ENOX2: variants seen among roughly 807,000 people sequenced by gnomAD.
The protein encoded by ENOX2 is APK1 antigen.
In ENOX2, 36 loss-of-function variants were observed where a neutral mutation model predicts 45.0. The observed-to-expected ratio is 0.80, with a 90% CI of 0.61 to 1.06. The LOEUF (loss-of-function observed/expected upper bound fraction) is 1.06. ENOX2 is among the 50% of genes least tolerant of loss of function. The pLI is 0.00. For synonymous variants in ENOX2, 174 were observed against 152.3 expected (o/e 1.14, Z -1.05); for missense variants, 423 against 462.5 (o/e 0.91, Z 0.78).
intron 12 of ENOX2, among the ~76,000 whole-genome samples, chrX:130,633,582 A>G (rs1408942535): frequency 2.7e-5 from 3 of 112,977 alleles, no homozygotes; most frequent in Non-Finnish European, 5.6e-5. Flanking sequence ...CTTAGGCACA[A>G]TATGGCAAGT....
intron 4 of ENOX2, among the ~76,000 whole-genome samples, chrX:130,699,837 C>A (rs2037853573): frequency 8.9e-6 from 1 of 112,251 alleles, no homozygotes; most frequent in Non-Finnish European, 1.9e-5. Flanking sequence ...TTCACGCTTG[C>A]ATTTGCTGTC....
chrX:130,867,572 C>T (rs2078510874), intron 2 of ENOX2, among the ~76,000 whole-genome samples: 1 of 111,844 alleles, frequency 8.9e-6, no homozygotes, highest in African/African-American at 3.2e-5. Context: ...CATTTCATTA[C>T]ACAATATTCT....
chrX:130,889,525 T>C (rs2078954240), intron 2 of ENOX2, among the ~76,000 whole-genome samples: 1 of 110,902 alleles, frequency 9.0e-6, no homozygotes, highest in Non-Finnish European at 1.9e-5. Flanking sequence ...AACAGGTAAT[T>C]GGTAGCTAAG....
intron 3 of ENOX2, among the ~76,000 whole-genome samples, chrX:130,728,736 T>C (rs1232282694): frequency 9.0e-6 from 1 of 111,682 alleles, no homozygotes; most frequent in Non-Finnish European, 1.9e-5. Flanking sequence ...AGGTGATGAC[T>C]AGGGCAAAGG....
intron 3 of ENOX2, among the ~76,000 whole-genome samples, chrX:130,732,674 T>C (rs1465488142): frequency 1.9e-5 from 2 of 107,470 alleles, no homozygotes; most frequent in African/African-American, 6.8e-5. Flanking sequence ...TGGCACAGAA[T>C]GGAGATCCCA....
chrX:130,715,357 C>T (rs2038299185), intron 3 of ENOX2, among the ~76,000 whole-genome samples: 1 of 111,844 alleles, frequency 8.9e-6, no homozygotes, highest in Non-Finnish European at 1.9e-5. Context: ...AAGGGCAATG[C>T]TATATATACA....
chrX:130,652,877 G>A (rs1257607385), intron 10 of ENOX2, among the ~76,000 whole-genome samples: 1 of 112,142 alleles, frequency 8.9e-6, no homozygotes, highest in Admixed American at 9.4e-5. Flanking sequence ...CTAGGAGACA[G>A]GAATGCAATA....
At chrX:130,795,455 T>C (rs1053267768) in intron 2 of ENOX2, among the ~76,000 whole-genome samples, 1 of 112,486 alleles carries the variant, frequency 8.9e-6, no homozygotes, top group Non-Finnish European at 1.9e-5. Context: ...TGGATTTTAA[T>C]TGAGGTATTC....
Position 130,699,322 on chromosome X carries a change from T to C in ENOX2, c.97+3798A>G, listed in dbSNP as rs765539377. ...TGCCAGACATTGCCTTCATGACAAG[T>C]GTGTGTCCAAGAGACTCAGCATCCA... is the stretch of plus-strand genomic sequence containing the variant. On this transcript the variant is annotated intron_variant, in intron 4 of 14. Coordinates refer to ENST00000394363, the MANE Select transcript of ENOX2 (RefSeq NM_006375.4). 3.6e-5 allele frequency among the ~76,000 whole-genome samples: 4 copies of C among 111,818 alleles called. No homozygotes were observed. The East Asian group carries it at 1.1e-3, about 32-fold the overall frequency.
intron 2 of ENOX2, among the ~76,000 whole-genome samples, chrX:130,840,521 A>AT (rs1227201895): frequency 4.9e-5 from 5 of 101,811 alleles, no homozygotes; most frequent in African/African-American, 1.5e-4. Flanking sequence ...CTCTCTTTTA[A>AT]AAAATAAATA....
At chrX:130,641,741 A>AAAAAAAAAAAAAAAAAAAAC (rs1569478944) in intron 10 of ENOX2, among the ~76,000 whole-genome samples, 2 of 106,385 alleles carry the variant, frequency 1.9e-5, no homozygotes, top group African/African-American at 6.9e-5. Context: ...AAAAAAAAAA[A>AAAAAAAAAAAAAAAAAAAAC]GAGAGAATTA....
intron 3 of ENOX2, among the ~76,000 whole-genome samples, chrX:130,781,725 G>C (rs1437607734): frequency 9.0e-6 from 1 of 111,714 alleles, no homozygotes; most frequent in Non-Finnish European, 1.9e-5. Flanking sequence ...ACTTAGAGCT[G>C]ATTTAACTTT....
chrX:130,721,382 G>A (rs2038470667), intron 3 of ENOX2, among the ~76,000 whole-genome samples: 2 of 112,372 alleles, frequency 1.8e-5, no homozygotes, highest in African/African-American at 6.5e-5. Flanking sequence ...CATTTGACTT[G>A]TGTGCCTGTC....
At chrX:130,699,893 G>A (rs1345586824) in intron 4 of ENOX2, among the ~76,000 whole-genome samples, 2 of 112,245 alleles carry the variant, frequency 1.8e-5, no homozygotes, top group East Asian at 2.8e-4. Flanking sequence ...TCAACTTTTT[G>A]TGAGCCACAT....
chrX:130,738,369 T>TA (rs1176762573), intron 3 of ENOX2, among the ~76,000 whole-genome samples: 2 of 112,292 alleles, frequency 1.8e-5, no homozygotes, highest in African/African-American at 3.2e-5. Context: ...TATAGCTACT[T>TA]AAAAAATCTC....
At chrX:130,679,521 T>A (rs764343441) in intron 6 of ENOX2, 21 bp downstream of exon 6, 20 of 1,153,540 alleles carry the variant, frequency 1.7e-5, no homozygotes, top group Admixed American at 6.6e-5. Context: ...GTGGGCACAA[T>A]CCTCACATCT....
chrX:130,663,753 C>A (rs1426955722), intron 9 of ENOX2, among the ~76,000 whole-genome samples: 1 of 110,772 alleles, frequency 9.0e-6, no homozygotes, highest in Non-Finnish European at 1.9e-5. Context: ...ATCATAAGAC[C>A]TACTGAGCAT....
At chrX:130,731,799 A>G (rs1402236443) in intron 3 of ENOX2, among the ~76,000 whole-genome samples, 4 of 112,057 alleles carry the variant, frequency 3.6e-5, no homozygotes, top group Non-Finnish European at 7.5e-5. Context: ...ATAAAATTCA[A>G]CACCCTTTTT....
At chrX:130,625,559 T>C in intron 14 of ENOX2, 114 bp from the exon 15 acceptor site, 1 of 746,421 alleles carries the variant, frequency 1.3e-6, no homozygotes, top group African/African-American at 2.1e-5. Flanking sequence ...TGCAGGGGCG[T>C]TTAACCTCCT....
Sources: gnomAD v4.1 joint callset for allele counts (sites outside exome capture counted in the v4.1 genomes callset) on GRCh38, gnomAD v4.1.1 for gene constraint, MANE v1.5 for transcripts, NCBI Gene and HGNC (gene_info 2026-07-23, HGNC 2026-07-21) for gene names.